TNS1: variants seen among roughly 807,000 people sequenced by gnomAD.
TNS1 encodes the protein tensin 1.
Under a neutral mutation model 168.6 loss-of-function variants are expected in TNS1, and 62 were observed. The observed-to-expected ratio is 0.37, with a 90% confidence interval of 0.30 to 0.45. TNS1 has a LOEUF of 0.45. Ranked by LOEUF, TNS1 falls within the 20% of genes least tolerant of loss-of-function variation. The probability of loss-of-function intolerance (pLI) is 1.00; values close to 1 mark genes in which losing one functional copy is unlikely to be tolerated. For missense variants in TNS1, 2,240 were observed against 2,339.4 expected (o/e 0.96, Z 0.88); for synonymous variants, 934 against 933.2 (o/e 1.00, Z -0.02).
upstream of TNS1, among the ~76,000 whole-genome samples, chr2:218,007,027 A>G (rs1574479424): frequency 6.6e-6 from 1 of 151,856 alleles, no homozygotes; most frequent in East Asian, 1.9e-4. Flanking sequence ...TTTTCCCTAA[A>G]CCCTGCAGCC....
intron 6 of TNS1, among the ~76,000 whole-genome samples, chr2:217,906,019 C>T (rs1953644313): frequency 6.6e-6 from 1 of 152,230 alleles, no homozygotes; most frequent in African/African-American, 2.4e-5. Flanking sequence ...CTCGGTTTCC[C>T]TTGCTGTGGT....
chr2:217,945,519 T>C (rs1475830299), intron 3 of TNS1, among the ~76,000 whole-genome samples: 6 of 152,218 alleles, frequency 3.9e-5, no homozygotes, highest in Non-Finnish European at 8.8e-5. Flanking sequence ...CCACTCATCC[T>C]CTGCCTCCAG....
intron 3 of TNS1, among the ~76,000 whole-genome samples, chr2:217,939,757 G>A (rs1046879452): frequency 6.6e-6 from 1 of 152,208 alleles, no homozygotes; most frequent in Non-Finnish European, 1.5e-5. Flanking sequence ...GGACTGCAGA[G>A]CCCAGACTAG....
At chr2:217,891,122 T>A in intron 11 of TNS1, 77 bp from the exon 12 acceptor site, 3 of 1,430,602 alleles carry the variant, frequency 2.1e-6, no homozygotes, top group Non-Finnish European at 2.9e-6. Context: ...CCCTGCTCCC[T>A]CAGACCTGCA....
chr2:218,019,300 G>A (rs1464023428), intron 1 of TNS1, among the ~76,000 whole-genome samples: 2 of 152,208 alleles, frequency 1.3e-5, no homozygotes, highest in Non-Finnish European at 2.9e-5. Flanking sequence ...GGAACTTTCT[G>A]ACCATTCGTG....
intron 6 of TNS1, among the ~76,000 whole-genome samples, chr2:217,902,913 CG>C (rs1015504925): frequency 8.5e-5 from 13 of 152,132 alleles, no homozygotes; most frequent in Non-Finnish European, 1.6e-4. Flanking sequence ...CAGACATGCA[CG>C]GTGACACGTC....
At chr2:217,914,661 T>C (rs1172606695) in intron 4 of TNS1, among the ~76,000 whole-genome samples, 1 of 152,148 alleles carries the variant, frequency 6.6e-6, no homozygotes, top group Non-Finnish European at 1.5e-5. Flanking sequence ...AATTTTTGTA[T>C]TTTTAGTAGA....
chr2:217,914,730 C>T (rs1302677229), intron 4 of TNS1, among the ~76,000 whole-genome samples: 1 of 152,136 alleles, frequency 6.6e-6, no homozygotes, highest in Non-Finnish European at 1.5e-5. Context: ...GTGATCCACC[C>T]GCCTCAGCAT....
intron 2 of TNS1, among the ~76,000 whole-genome samples, chr2:217,983,314 GC>G (rs1958103051): frequency 6.6e-6 from 1 of 152,110 alleles, no homozygotes; most frequent in African/African-American, 2.4e-5. Flanking sequence ...ACTACAGAAG[GC>G]CCCGAAATTA....
intron 12 of TNS1, among the ~76,000 whole-genome samples, chr2:217,889,463 T>C (rs1574965142): frequency 1.3e-5 from 2 of 152,296 alleles, no homozygotes; most frequent in African/African-American, 4.8e-5. Context: ...AAAAGGCAAA[T>C]AGGATGCTTT....
intron 19 of TNS1, among the ~76,000 whole-genome samples, chr2:217,840,726 T>C (rs1945834932): frequency 1.3e-5 from 2 of 152,338 alleles, no homozygotes; most frequent in African/African-American, 4.8e-5. Context: ...TGCCGAGACC[T>C]AGCCCTGCAG....
intron 32 of TNS1, among the ~76,000 whole-genome samples, chr2:217,806,270 C>G (rs1024036823): frequency 6.6e-6 from 1 of 152,262 alleles, no homozygotes; most frequent in African/African-American, 2.4e-5. Flanking sequence ...GGCAAGAAGC[C>G]TCAGCCCGCA....
intron 22 of TNS1, chr2:217,830,346 T>G: frequency 6.2e-7 from 1 of 1,614,096 alleles, no homozygotes; most frequent in South Asian, 1.1e-5. Context: ...GGGTCACAAA[T>G]GCATGCCACT....
intron 8 of TNS1, among the ~76,000 whole-genome samples, chr2:217,896,480 G>A (rs1019488875): frequency 3.3e-5 from 5 of 152,212 alleles, no homozygotes; most frequent in African/African-American, 1.2e-4. Flanking sequence ...TGGAGATGGA[G>A]GTAGAGATTG....
intron 3 of TNS1, among the ~76,000 whole-genome samples, chr2:217,940,148 A>T (rs1956839576): frequency 6.6e-6 from 1 of 152,234 alleles, no homozygotes; most frequent in Non-Finnish European, 1.5e-5. Flanking sequence ...GCTAAGAGCC[A>T]TCTGGCCAGG....
At chr2:217,937,520 A>T (rs1164969009) in intron 3 of TNS1, among the ~76,000 whole-genome samples, 1 of 151,898 alleles carries the variant, frequency 6.6e-6, no homozygotes, top group African/African-American at 2.4e-5. Flanking sequence ...CAGCTCTGCC[A>T]TTTCTGGGAG....
intron 3 of TNS1, chr2:217,943,971 C>G (rs1264646121): frequency 6.5e-6 from 1 of 153,368 alleles, no homozygotes; most frequent in African/African-American, 2.4e-5. Flanking sequence ...TGGCAAGAAG[C>G]TGGTTTCCCC....
chr2:217,829,809 C>T (rs773581604), intron 22 of TNS1: 2 of 1,613,846 alleles, frequency 1.2e-6, no homozygotes, highest in African/African-American at 2.7e-5. Context: ...ATTTCCAGAC[C>T]CAGAGAGCAG....
intron 18 of TNS1, among the ~76,000 whole-genome samples, chr2:217,861,938 AC>A (rs1439971148): frequency 2.0e-5 from 3 of 152,210 alleles, no homozygotes; most frequent in African/African-American, 7.2e-5. Context: ...AATTTGGCCC[AC>A]CCGATCTCTG....
Sources: gnomAD v4.1 joint callset for allele counts (sites outside exome capture counted in the v4.1 genomes callset) on GRCh38, gnomAD v4.1.1 for gene constraint, MANE v1.5 for transcripts, NCBI Gene and HGNC (gene_info 2026-07-23, HGNC 2026-07-21) for gene names.